Variants in ZC3H7A observed in about 807,000 individuals in gnomAD.
The protein encoded by ZC3H7A is zinc finger CCCH domain-containing protein 7A.
Under a neutral mutation model 125.5 loss-of-function variants are expected in ZC3H7A, and 44 were observed. That is an observed-to-expected ratio of 0.35 (90% CI 0.28 to 0.45). The LOEUF is 0.45. Among genes scored for constraint, ZC3H7A ranks in the 20% least tolerant of loss-of-function variants. The probability of loss-of-function intolerance (pLI) is 1.00; values close to 1 mark genes in which losing one functional copy is unlikely to be tolerated. For synonymous variants in ZC3H7A, 399 were observed against 391.2 expected (o/e 1.02, Z -0.23); for missense variants, 977 against 1,170.7 (o/e 0.83, Z 2.41).
At chr16:11,778,955 A>T (rs2053129474) in intron 4 of ZC3H7A, among the ~76,000 whole-genome samples, 1 of 151,834 alleles carries the variant, frequency 6.6e-6, no homozygotes, top group Non-Finnish European at 1.5e-5. Flanking sequence ...CTCATGATCC[A>T]CCCACCTTGG....
chr16:11,762,856 C>A (rs532452065), intron 16 of ZC3H7A, 109 bp from the exon 17 acceptor site: 5 of 938,968 alleles, frequency 5.3e-6, no homozygotes, highest in African/African-American at 3.3e-5. Flanking sequence ...TATTCTCATA[C>A]CTCCTAATCC....
intron 1 of ZC3H7A, among the ~76,000 whole-genome samples, chr16:11,787,656 C>G (rs542548138): frequency 2.6e-5 from 4 of 152,116 alleles, no homozygotes; most frequent in Non-Finnish European, 5.9e-5. Flanking sequence ...ATTAAAAGCA[C>G]AGGGACTGGC....
intron 1 of ZC3H7A, among the ~76,000 whole-genome samples, chr16:11,795,376 G>A: frequency 6.6e-6 from 1 of 152,184 alleles, no homozygotes; most frequent in East Asian, 1.9e-4. Context: ...CTGTCCAGTC[G>A]AAATATTGTA....
Position 11,774,311 on chromosome 16 carries a change from A to C in ZC3H7A, c.828T>G (p.Asp276Glu). The change falls in exon 9 of 23, where the codon GAT (aspartate) becomes GAG (glutamate). Residue 276 changes from aspartate to glutamate, a missense_variant. Physicochemically the swap from Asp to Glu is conservative, Grantham distance 45 (BLOSUM62 2). This residue lies in a region of ZC3H7A where 342 missense variants were observed against 311.3 expected (regional missense o/e 1.10). Transcript: ENST00000355758. The stretch of plus-strand genomic sequence containing the variant: ...CATCTCCAAGGACCATATCTCCATC[A>C]TCTAGAAAAGCTTCTGGCATAGTGA... ...MPFTMPEAFL[D>E]DGDMVLGDEL... is the part of the protein sequence containing the mutation. The C allele has an allele frequency of 6.2e-7, 1 of 1,614,038 alleles. No individual in the cohort carries two copies. The highest frequency in any genetic ancestry group is 8.5e-7 in the Non-Finnish European group (1 of 1,179,930).
Position 11,765,184 on chromosome 16 carries a change from A to G in ZC3H7A, c.1720-31T>C. 1 of 1,340,676 alleles carries G rather than the reference A, an allele frequency of 7.5e-7. No individual in the cohort carries two copies. The highest frequency in any genetic ancestry group is 1.4e-5 in the South Asian group (1 of 72,914). The allele number at this position is 1,340,676 out of a possible 1,614,324, so 83.0% of individuals were successfully genotyped here. A position where few individuals can be genotyped will look rare whatever the true frequency, so the allele number is the denominator to read the frequency against. ...ATAGAGAGAGAAAGATTATCAAAAA[A>G]AATACAAAATATAAATTTTGTACCC... On this transcript the variant is annotated intron_variant, in intron 14 of 22. Transcript: ENST00000355758. The surrounding 1 kb of genome is among the most constrained non-coding windows in gnomAD (Gnocchi z 4.8).
intron 3 of ZC3H7A, among the ~76,000 whole-genome samples, chr16:11,779,861 C>T (rs1317857065): frequency 3.2e-5 from 4 of 126,304 alleles, no homozygotes; most frequent in African/African-American, 3.7e-5. Context: ...AAAATGGTAT[C>T]GTTTTGTGTT....
intron 1 of ZC3H7A, among the ~76,000 whole-genome samples, chr16:11,790,644 A>G (rs542412597): frequency 6.6e-6 from 1 of 151,980 alleles, no homozygotes; most frequent in Non-Finnish European, 1.5e-5. Flanking sequence ...GGTTCAAGCG[A>G]TTCTTCTGCC....
intron 3 of ZC3H7A, 62 bp downstream of exon 3, chr16:11,781,363 T>C: frequency 2.6e-6 from 4 of 1,536,728 alleles, no homozygotes; most frequent in Non-Finnish European, 3.6e-6. Context: ...CAACCCCTGC[T>C]ACAAATTACA....
Position 11,782,364 on chromosome 16 carries a change from C to T in ZC3H7A, c.-10G>A. ...CGGACACATTGGACATGTTATCCCA[C>T]ACATCCACTTTCTAAATGAGCAATC... is the stretch of plus-strand genomic sequence containing the variant. On this transcript the variant is annotated 5_prime_UTR_variant, in exon 2 of 23. The change creates a new upstream start codon in the 5' untranslated region. Transcript: ENST00000355758. 1 of 1,614,082 alleles carries T rather than the reference C, an allele frequency of 6.2e-7. No homozygotes were observed. Among genetic ancestry groups the T allele is most frequent in the Non-Finnish European group, 8.5e-7 (1 of 1,180,000 alleles).
intron 22 of ZC3H7A, among the ~76,000 whole-genome samples, chr16:11,752,356 G>C (rs1317934223): frequency 6.6e-6 from 1 of 152,244 alleles, no homozygotes; most frequent in Non-Finnish European, 1.5e-5. Context: ...CAAAGGGTTT[G>C]AGAATCACAG....
At chr16:11,780,624 T>C (rs1314119418) in intron 3 of ZC3H7A, among the ~76,000 whole-genome samples, 2 of 152,168 alleles carry the variant, frequency 1.3e-5, no homozygotes, top group Non-Finnish European at 2.9e-5. Flanking sequence ...ACGTGCAAAA[T>C]GAAACAACTG....
rs772127168 is a variant in ZC3H7A, at chr16:11,765,441, G to C, written c.1719+48C>G. The C allele has an allele frequency of 2.7e-6, 4 of 1,477,700 alleles. No individual in the cohort carries two copies. The highest frequency in any genetic ancestry group is 4.6e-5 in the East Asian group (2 of 43,338). The allele number at this position is 1,477,700 out of a possible 1,614,324, so 91.5% of individuals were successfully genotyped here. A position where few individuals can be genotyped will look rare whatever the true frequency, so the allele number is the denominator to read the frequency against. On this transcript the variant is annotated intron_variant, in intron 14 of 22. Coordinates refer to ENST00000355758, the MANE Select transcript of ZC3H7A (RefSeq NM_014153.4). The surrounding 1 kb of genome is among the most constrained non-coding windows in gnomAD (Gnocchi z 4.8). ...TCACATGGCAGGACAATACCACTGG[G>C]CTTGCAAATTCAACTTTACAGTGGA...
chr16:11,777,277 C>G (rs1374119979), intron 4 of ZC3H7A, among the ~76,000 whole-genome samples: 1 of 152,034 alleles, frequency 6.6e-6, no homozygotes, highest in East Asian at 1.9e-4. Context: ...CAAACAGAAA[C>G]GTAACTCCAA....
chr16:11,795,316 T>C (rs553993139), intron 1 of ZC3H7A, among the ~76,000 whole-genome samples: 2 of 152,336 alleles, frequency 1.3e-5, no homozygotes, highest in African/African-American at 4.8e-5. Flanking sequence ...GATAAGCAGA[T>C]AGACATGTCT....
At position 11,770,765 on chromosome 16, in the gene ZC3H7A, T is replaced by C. The variant is rs377421695; in HGVS notation, c.1108+18A>G. On this transcript the variant is annotated intron_variant, in intron 10 of 22. Coordinates refer to ENST00000355758, the MANE Select transcript of ZC3H7A (RefSeq NM_014153.4). ...GAAAATCAACTGCAATTGTTTACAATTTAGATTTGGTTCTTACCTCGTTTG... is the reference window on the plus strand; with the variant it reads ...GAAAATCAACTGCAATTGTTTACAACTTAGATTTGGTTCTTACCTCGTTTG... The C allele has an allele frequency of 2.1e-5, 34 of 1,593,256 alleles. No homozygotes were observed. The African/African-American group carries it at 4.2e-4, about 20-fold the overall frequency.
In ZC3H7A at chr16:11,762,016, A is replaced by G; in HGVS notation, c.2107T>C (p.Phe703Leu). Residue 703 changes from phenylalanine (F) to leucine (L), a missense_variant, in exon 18 of 23, where the codon TTT becomes CTT. Phe to Leu is a conservative substitution (Grantham distance 22, BLOSUM62 0). Transcript: ENST00000355758. ...QVLGNQIMPGFLNMKIKFVCA... is the reference protein window; with the variant it reads ...QVLGNQIMPGLLNMKIKFVCA... Reference sequence around the variant, plus strand: ...ACAAACTTTATCTTCATATTAAGAAATCCAGGCATTATTTGATTACCAAGT... The same window carrying G: ...ACAAACTTTATCTTCATATTAAGAAGTCCAGGCATTATTTGATTACCAAGT... The G allele has an allele frequency of 1.9e-6, 3 of 1,611,686 alleles. No individual in the cohort carries two copies. The highest frequency in any genetic ancestry group is 2.5e-6 in the Non-Finnish European group (3 of 1,179,332).
Position 11,765,617 on chromosome 16 carries a change from C to G in ZC3H7A, c.1591G>C (p.Asp531His), listed in dbSNP as rs2052842865. The change falls in exon 14 of 23, where the codon GAT becomes CAT. Residue 531 changes from aspartate to histidine, a missense_variant. By Grantham distance (81) the Asp-to-His change is moderately conservative. This residue lies in a region of ZC3H7A where 436 missense variants were observed against 603.2 expected (regional missense o/e 0.72). Transcript: ENST00000355758. The surrounding 1 kb of genome is among the most constrained non-coding windows in gnomAD (Gnocchi z 4.8). ...CTFAYCQEEI[D>H]VWTLERKGAF... is the part of the protein sequence containing the mutation. Reference sequence around the variant, plus strand: ...CCTTTCCGCTCCAGTGTCCACACATCTATCTCCTCTTGGCAATAAGCAAAC... The same window carrying G: ...CCTTTCCGCTCCAGTGTCCACACATGTATCTCCTCTTGGCAATAAGCAAAC... 6.2e-7 allele frequency: 1 copy of G among 1,614,184 alleles called. No individual in the cohort carries two copies. Among genetic ancestry groups the G allele is most frequent in the East Asian group, 2.2e-5 (1 of 44,882 alleles).
In ZC3H7A at chr16:11,774,810, G is replaced by A. The variant is rs113099397; in HGVS notation, c.619+170C>T. 5.1e-3 allele frequency among the ~76,000 whole-genome samples: 774 copies of A among 152,202 alleles called. 3 individuals carry two copies. The highest frequency in any genetic ancestry group is 7.6e-3 in the Non-Finnish European group (517 of 68,026). On this transcript the variant is annotated intron_variant, in intron 8 of 22. Coordinates refer to ENST00000355758, the MANE Select transcript of ZC3H7A (RefSeq NM_014153.4). The stretch of plus-strand genomic sequence containing the variant: ...TCCAACACTTTTCAGTCACTCACTG[G>A]CACATCCAAAGGCACAAAGGGAGCA...
chr16:11,767,741 T>A (rs907733947), intron 12 of ZC3H7A, among the ~76,000 whole-genome samples, 163 bp from the exon 13 acceptor site: 1 of 152,186 alleles, frequency 6.6e-6, no homozygotes, highest in African/African-American at 2.4e-5. Flanking sequence ...TAAGGTAGAT[T>A]TGTGCCTTTT....
Sources: allele counts gnomAD v4.1 joint callset (sites outside exome capture counted in the v4.1 genomes callset), GRCh38; gene constraint gnomAD v4.1.1; regional missense constraint gnomAD v4.1.1; non-coding constraint Gnocchi (gnomAD v3.1); transcripts MANE v1.5; gene names NCBI Gene and HGNC (gene_info 2026-07-23, HGNC 2026-07-21).